PTPN3: variants seen among roughly 807,000 people sequenced by gnomAD.
PTPN3 encodes protein tyrosine phosphatase non-receptor type 3.
A neutral mutation model predicts 132.7 loss-of-function variants in PTPN3; 96 were observed. The ratio of observed to expected loss-of-function variants is 0.72; its 90% CI spans 0.61 to 0.86. PTPN3 has a LOEUF of 0.86. Ranked by LOEUF, PTPN3 falls within the 40% of genes least tolerant of loss-of-function variation. The pLI is 0.00. For synonymous variants in PTPN3, 398 were observed against 429.0 expected (o/e 0.93, Z 0.89); for missense variants, 1,125 against 1,159.6 (o/e 0.97, Z 0.43).
At chr9:109,476,687 T>TC (rs1440115950) in intron 1 of PTPN3, among the ~76,000 whole-genome samples, 1 of 152,184 alleles carries the variant, frequency 6.6e-6, no homozygotes, top group Admixed American at 6.5e-5. Flanking sequence ...GCTCTGCCAC[T>TC]CCCAAGTGGA....
chr9:109,444,991 C>T (rs925565067), intron 7 of PTPN3, among the ~76,000 whole-genome samples: 1 of 152,246 alleles, frequency 6.6e-6, no homozygotes, highest in Non-Finnish European at 1.5e-5. Flanking sequence ...TGATGGGCTC[C>T]CTTGGAGAAA....
chr9:109,384,024 G>A (rs1167951057), intron 22 of PTPN3, among the ~76,000 whole-genome samples: 6 of 152,094 alleles, frequency 3.9e-5, no homozygotes, highest in Non-Finnish European at 8.8e-5. Flanking sequence ...ACACAACTCC[G>A]CTGGGATCCT....
intron 9 of PTPN3, among the ~76,000 whole-genome samples, chr9:109,434,355 C>T (rs1843876153): frequency 6.7e-6 from 1 of 149,316 alleles, no homozygotes; most frequent in South Asian, 2.2e-4. Context: ...GTTGCCTAGG[C>T]TGGAGTGCAG....
chr9:109,437,332 C>T (rs1269905461), intron 8 of PTPN3, among the ~76,000 whole-genome samples: 1 of 152,126 alleles, frequency 6.6e-6, no homozygotes, highest in East Asian at 1.9e-4. Flanking sequence ...TGGCAGTGGC[C>T]TCAAACTTTC....
At chr9:109,497,210 T>A (rs1055416158) in intron 1 of PTPN3, among the ~76,000 whole-genome samples, 2 of 152,204 alleles carry the variant, frequency 1.3e-5, no homozygotes, top group Admixed American at 6.5e-5. Context: ...GATGGTTTCC[T>A]AATTCTAATT....
intron 1 of PTPN3, among the ~76,000 whole-genome samples, chr9:109,474,744 C>G (rs1846560983): frequency 6.6e-6 from 1 of 152,022 alleles, no homozygotes; most frequent in African/African-American, 2.4e-5. Context: ...TTCAAAAATC[C>G]AAGGGGCTGT....
chr9:109,478,771 G>A (rs1176091873), intron 1 of PTPN3, among the ~76,000 whole-genome samples: 3 of 152,188 alleles, frequency 2.0e-5, no homozygotes, highest in Non-Finnish European at 2.9e-5. Flanking sequence ...GCCATTCCCT[G>A]AGCAACTCCC....
In PTPN3 at chr9:109,453,307, CT is replaced by C. The variant is rs371462279; in HGVS notation, c.368+1188del. Among the ~76,000 whole-genome samples, 50 of 151,772 alleles carry C rather than the reference CT, an allele frequency of 3.3e-4. 1 individual carries two copies. Among genetic ancestry groups the C allele is most frequent in the African/African-American group, 1.2e-3 (48 of 41,508 alleles). ...GTTAATGCTGCCTCCTTGATTATGTCTTTTGGCCACGATGAATGTAAAACAG... is the reference window on the plus strand; with the variant it reads ...GTTAATGCTGCCTCCTTGATTATGTCTTTGGCCACGATGAATGTAAAACAG... On this transcript the variant is annotated intron_variant, in intron 5 of 25. Coordinates refer to ENST00000374541, the MANE Select transcript of PTPN3 (RefSeq NM_002829.4).
At chr9:109,518,996 G>A in the PTPN3 span, among the ~76,000 whole-genome samples, 4 of 151,978 alleles carry the variant, frequency 2.6e-5, no homozygotes, top group Non-Finnish European at 5.9e-5. Flanking sequence ...ACTTCCTGGA[G>A]CCCCCTAACT....
In PTPN3 at chr9:109,457,200, T is replaced by A. The variant is rs747844269; in HGVS notation, c.262A>T (p.Ser88Cys). Reference protein sequence around the residue: ...SVDSPRWLEASKAIRKQLKGG... With the variant: ...SVDSPRWLEACKAIRKQLKGG... The stretch of plus-strand genomic sequence containing the variant: ...TTTAACTGCTTCCTGATGGCTTTGC[T>A]TGCTTCCAGCCATCTCTGTTGGACA... Residue 88 changes from serine to cysteine, a missense_variant, in exon 4 of 26, where the codon AGC becomes TGC. Ser to Cys is a moderately radical substitution (Grantham distance 112). Coordinates refer to ENST00000374541, the MANE Select transcript of PTPN3 (RefSeq NM_002829.4). 1 of 1,613,962 alleles carries A rather than the reference T, an allele frequency of 6.2e-7. No individual in the cohort carries two copies. The highest frequency in any genetic ancestry group is 8.5e-7 in the Non-Finnish European group (1 of 1,179,948).
In PTPN3 at chr9:109,441,263, A is replaced by T. The variant is rs1226465092; in HGVS notation, c.467-3029T>A. 3.9e-5 allele frequency among the ~76,000 whole-genome samples: 6 copies of T among 152,124 alleles called. No individual in the cohort carries two copies. In the East Asian group the frequency reaches 1.2e-3, roughly 30 times the overall value. ...GAAATACCTTGTCATTTTAAGTTCC[A>T]TGCTTTCTTCTGGTTGATAATATTT... On this transcript the variant is annotated intron_variant, in intron 7 of 25. Coordinates refer to ENST00000374541, the MANE Select transcript of PTPN3 (RefSeq NM_002829.4).
chr9:109,523,348 T>C, the PTPN3 span, among the ~76,000 whole-genome samples: 2 of 152,172 alleles, frequency 1.3e-5, no homozygotes, highest in Non-Finnish European at 2.9e-5. Flanking sequence ...TCTCTTGACC[T>C]TGTGGTCCGC....
At position 109,454,504 on chromosome 9, in the gene PTPN3, T is replaced by C. The variant is rs144399729; in HGVS notation, c.360A>G (p.Glu120=). 918 of 1,612,654 alleles carry C rather than the reference T, an allele frequency of 5.7e-4. 4 individuals carry two copies. The highest frequency in any genetic ancestry group is 5.1e-4 in the Non-Finnish European group (599 of 1,179,474). ...TAAAAAAATGTTGTTACCTGGTTTG[T>C]TCTTGCTGCAGTGTGTTGGGATCAG... The part of the protein sequence containing the change: ...FIPDPNTLQQ[E]QTRHLYFLQL... The change falls in exon 5 of 26, where the codon GAA becomes GAG. Residue 120 remains glutamate, a synonymous_variant. Coordinates refer to ENST00000374541, the MANE Select transcript of PTPN3 (RefSeq NM_002829.4).
At chr9:109,532,244 G>A in the PTPN3 span, among the ~76,000 whole-genome samples, 1 of 152,170 alleles carries the variant, frequency 6.6e-6, no homozygotes, top group African/African-American at 2.4e-5. Flanking sequence ...ACAAGATGGA[G>A]ATATTTTGAA....
Position 109,457,388 on chromosome 9 carries a change from A to G in PTPN3, c.150T>C (p.Thr50=), listed in dbSNP as rs1277822262. The G allele has an allele frequency of 1.2e-6, 2 of 1,611,860 alleles. No homozygotes were observed. The highest frequency in any genetic ancestry group is 1.7e-6 in the Non-Finnish European group (2 of 1,179,374). ...GCACCATATCCAGAAGAACCTGGCC[A>G]GTGTCTTGTTTCTAGAACAAAGGAA... ...VQTFKVTKQD[T]GQVLLDMVHN... is the part of the protein sequence containing the mutation. Residue 50 remains threonine, a synonymous_variant, in exon 3 of 26, where the codon ACT becomes ACC. Coordinates refer to ENST00000374541, the MANE Select transcript of PTPN3 (RefSeq NM_002829.4).
At position 109,382,668 on chromosome 9, in the gene PTPN3, TTCTGCCCAGTGATCTCC is replaced by T. The variant is rs377688429; in HGVS notation, c.2383-238_2383-222del. Among the ~76,000 whole-genome samples the T allele has an allele frequency of 1.4e-3, 212 of 152,008 alleles. 1 individual carries two copies. Among genetic ancestry groups the T allele is most frequent in the East Asian group, 0.011 (58 of 5,158 alleles). On this transcript the variant is annotated intron_variant, in intron 23 of 25. Transcript: ENST00000374541. ...CTGCAGGGCTGCCTTCCTTGATCAC[TTCTGCCCAGTGATCTCC>T]TCTGCCCAGTGATCTCCTCCATTTG...
At chr9:109,433,557 T>C (rs1843812997) in intron 9 of PTPN3, among the ~76,000 whole-genome samples, 1 of 152,230 alleles carries the variant, frequency 6.6e-6, no homozygotes, top group African/African-American at 2.4e-5. Flanking sequence ...TTAGCTATTT[T>C]GAAATGATGA....
the PTPN3 span, among the ~76,000 whole-genome samples, chr9:109,522,952 T>C: frequency 6.6e-6 from 1 of 152,254 alleles, no homozygotes; most frequent in South Asian, 2.1e-4. Context: ...TACCATTTAC[T>C]GTGTTACCTT....
chr9:109,390,067 C>T (rs1354761903), intron 21 of PTPN3, among the ~76,000 whole-genome samples: 2 of 152,134 alleles, frequency 1.3e-5, no homozygotes, highest in African/African-American at 2.4e-5. Context: ...ATTCATGGTT[C>T]GGCTGGTGCT....
Sources: gnomAD v4.1 joint callset for allele counts (sites outside exome capture counted in the v4.1 genomes callset) on GRCh38, gnomAD v4.1.1 for gene constraint, MANE v1.5 for transcripts, NCBI Gene and HGNC (gene_info 2026-07-23, HGNC 2026-07-21) for gene names.